NASP: variants seen among roughly 807,000 people sequenced by gnomAD.
NASP encodes the protein NASP histone chaperone.
Under a neutral mutation model 89.5 loss-of-function variants are expected in NASP, and 24 were observed. That is an observed-to-expected ratio of 0.27 (90% CI 0.19 to 0.38). The LOEUF is 0.38. Among genes scored for constraint, NASP ranks in the 10% least tolerant of loss-of-function variants. NASP has a pLI of 1.00. For missense variants in NASP, 848 were observed against 921.4 expected, an observed-to-expected ratio of 0.92 and a Z score of 1.03; for synonymous variants, 306 against 324.7, an observed-to-expected ratio of 0.94 and a Z score of 0.62.
At chr1:45,593,394 G>C (rs377648458) in intron 2 of NASP, among the ~76,000 whole-genome samples, 1 of 151,774 alleles carries the variant, frequency 6.6e-6, no homozygotes, top group South Asian at 2.1e-4. Flanking sequence ...TTAGTTGAGC[G>C]TGGTGGCGGG....
intron 4 of NASP, among the ~76,000 whole-genome samples, chr1:45,606,276 A>T (rs940304633): frequency 6.6e-6 from 1 of 152,204 alleles, no homozygotes; most frequent in African/African-American, 2.4e-5. Context: ...GGATGGAGGA[A>T]TATGCTTATT....
At position 45,608,170 on chromosome 1, in the gene NASP, C is replaced by T; in HGVS notation, c.1259C>T (p.Pro420Leu). The T allele has an allele frequency of 6.2e-7, 1 of 1,614,124 alleles. No individual in the cohort carries two copies. The highest frequency in any genetic ancestry group is 1.1e-5 in the South Asian group (1 of 91,076). ...GAGAAGGTCAGGGCAAAGCTGGTTC[C>T]TAGTCAGGAGGAGACTAAGCTGTCT... ...LEEKVRAKLV[P>L]SQEETKLSVE... is the part of the protein sequence containing the mutation. Residue 420 changes from proline (P) to leucine (L), a missense_variant, in exon 6 of 15, where the codon CCT becomes CTT. Coordinates refer to ENST00000350030, the MANE Select transcript of NASP (RefSeq NM_002482.4).
At chr1:45,614,825 C>G in intron 9 of NASP, 188 bp from the exon 10 acceptor site, 2 of 566,288 alleles carry the variant, frequency 3.5e-6, no homozygotes, top group Non-Finnish European at 6.2e-6. Context: ...GTGTGAGCCA[C>G]CACGCCCAGC....
At chr1:45,592,183 C>G (rs768282401) in intron 2 of NASP, among the ~76,000 whole-genome samples, 1 of 152,200 alleles carries the variant, frequency 6.6e-6, no homozygotes, top group South Asian at 2.1e-4. Flanking sequence ...TGGGGTTTCA[C>G]CATGTTGGCC....
At chr1:45,596,498 A>G (rs1407009064) in intron 2 of NASP, among the ~76,000 whole-genome samples, 1 of 152,196 alleles carries the variant, frequency 6.6e-6, no homozygotes, top group East Asian at 1.9e-4. Flanking sequence ...CACTTAGCAT[A>G]GTGTTCTTAA....
At chr1:45,589,929 C>T (rs1187923263) in intron 1 of NASP, among the ~76,000 whole-genome samples, 1 of 152,040 alleles carries the variant, frequency 6.6e-6, no homozygotes, top group South Asian at 2.1e-4. Flanking sequence ...TCAGACATAC[C>T]TATTGCCCAG....
intron 13 of NASP, among the ~76,000 whole-genome samples, chr1:45,616,919 A>G (rs1436206224): frequency 6.6e-6 from 1 of 152,154 alleles, no homozygotes; most frequent in African/African-American, 2.4e-5. Flanking sequence ...GTCTCGGCTC[A>G]CTGAAACCTC....
chr1:45,592,432 G>C (rs1236623641), intron 2 of NASP, among the ~76,000 whole-genome samples: 11 of 152,230 alleles, frequency 7.2e-5, no homozygotes, highest in Admixed American at 7.2e-4. Flanking sequence ...TGTTGAGCTT[G>C]AGATAAAATT....
chr1:45,593,855 CAAA>C (rs71056313), intron 2 of NASP, among the ~76,000 whole-genome samples: 1 of 145,436 alleles, frequency 6.9e-6, no homozygotes. Context: ...GCCATCTGTA[CAAA>C]AAAAAAAAAT....
In NASP at chr1:45,606,605, C is replaced by T; in HGVS notation, c.409+14C>T. 6.6e-7 allele frequency: 1 copy of T among 1,525,860 alleles called. No homozygotes were observed. Among genetic ancestry groups the T allele is most frequent in the African/African-American group, 1.4e-5 (1 of 73,226 alleles). 94.5% of individuals were successfully genotyped at this position (1,525,860 alleles called of 1,614,324 possible). ...ATAACATAGATGGTATGTGGAGTTG[C>T]ATGTGACATTCAAGAGATGCGACGT... On this transcript the variant is annotated intron_variant, in intron 5 of 14. Transcript: ENST00000350030.
At chr1:45,603,428 A>G (rs1643875512) in intron 3 of NASP, among the ~76,000 whole-genome samples, 2 of 152,192 alleles carry the variant, frequency 1.3e-5, no homozygotes, top group Admixed American at 1.3e-4. Context: ...TTGACGCTTA[A>G]TATCAATCCA....
intron 13 of NASP, 54 bp downstream of exon 13, chr1:45,616,757 A>G (rs1644113048): frequency 4.6e-6 from 7 of 1,526,428 alleles, no homozygotes; most frequent in East Asian, 2.2e-5. Flanking sequence ...TCCATTTTTA[A>G]TCCCTTTCCT....
chr1:45,595,454 C>T (rs1044471422), intron 2 of NASP, among the ~76,000 whole-genome samples: 1 of 152,150 alleles, frequency 6.6e-6, no homozygotes, highest in Non-Finnish European at 1.5e-5. Context: ...AATTTCTTAA[C>T]ACTGTGCCAT....
At chr1:45,590,943 C>T (rs1259340752) in intron 1 of NASP, among the ~76,000 whole-genome samples, 2 of 152,120 alleles carry the variant, frequency 1.3e-5, no homozygotes, top group African/African-American at 4.8e-5. Flanking sequence ...GGCAAATGGC[C>T]CAGATAGCTT....
In NASP at chr1:45,612,906, C is replaced by T. The variant is rs1400561681; in HGVS notation, c.1427-263C>T. 12 of 303,986 alleles carry T rather than the reference C, an allele frequency of 3.9e-5. No homozygotes were observed. The Admixed American group carries it at 5.7e-4, about 14-fold the overall frequency. The allele number at this position is 303,986 out of a possible 1,614,324, so 18.8% of individuals were successfully genotyped here. ...CCAATGTTTCTTATTCTGAATGGTC[C>T]AGGTTGACTTTTATAAGAGAAACAC... On this transcript the variant is annotated intron_variant, in intron 6 of 14. Transcript: ENST00000350030.
At chr1:45,609,798 T>A (rs1313573139) in intron 6 of NASP, 2 of 152,160 alleles carry the variant, frequency 1.3e-5, no homozygotes, top group Non-Finnish European at 2.9e-5. Context: ...TTGTTTAGGG[T>A]CATAATACTG....
intron 2 of NASP, among the ~76,000 whole-genome samples, chr1:45,594,318 ACT>A (rs1643635003): frequency 6.6e-6 from 1 of 150,706 alleles, no homozygotes; most frequent in Non-Finnish European, 1.5e-5. Context: ...GACGAGCGAA[ACT>A]CTCAAAAAAA....
At chr1:45,614,402 T>G in intron 9 of NASP, 36 bp downstream of exon 9, 2 of 1,482,304 alleles carry the variant, frequency 1.3e-6, no homozygotes, top group Non-Finnish European at 1.9e-6. Context: ...TCCTACTCTC[T>G]TCAGCTCCCT....
rs564301974 is a variant in NASP, at chr1:45,615,050, C to T, written c.1704C>T (p.Cys568=). The change falls in exon 10 of 15, where the codon TGC becomes TGT. Residue 568 remains cysteine, a synonymous_variant. Coordinates refer to ENST00000350030, the MANE Select transcript of NASP (RefSeq NM_002482.4). ...YVQAVEEFQS[C]LNLQEQYLEA... is the part of the protein sequence containing the mutation. ...AAGCTGTGGAGGAGTTCCAGTCCTG[C>T]CTTAACCTGCAGGAACAGTACCTGG... is the stretch of plus-strand genomic sequence containing the variant. The T allele has an allele frequency of 3.1e-5, 50 of 1,614,050 alleles. No homozygotes were observed. The South Asian group carries it at 5.4e-4, about 17-fold the overall frequency.
Sources: gnomAD v4.1 joint callset for allele counts (sites outside exome capture counted in the v4.1 genomes callset) on GRCh38, gnomAD v4.1.1 for gene constraint, MANE v1.5 for transcripts, NCBI Gene and HGNC (gene_info 2026-07-23, HGNC 2026-07-21) for gene names.